ELAVL2: variants seen among roughly 807,000 people sequenced by gnomAD.
The protein encoded by ELAVL2 is ELAV like RNA binding protein 2.
In ELAVL2, 4 loss-of-function variants were observed where a neutral mutation model predicts 34.6. That is an observed-to-expected ratio of 0.12 (90% CI 0.06 to 0.26). The LOEUF (loss-of-function observed/expected upper bound fraction) is 0.26, where lower values mean the gene tolerates loss of function less well. Ranked by LOEUF, ELAVL2 falls within the 10% of genes least tolerant of loss-of-function variation. The pLI is 1.00. For missense variants in ELAVL2, 432 were observed against 442.8 expected (o/e 0.98, Z 0.22); for synonymous variants, 193 against 154.8 (o/e 1.25, Z -1.83).
chr9:23,830,896 T>C (rs886365445), upstream of ELAVL2, among the ~76,000 whole-genome samples: 1 of 151,374 alleles, frequency 6.6e-6, no homozygotes, highest in African/African-American at 2.4e-5. Flanking sequence ...TAGGCGAGGG[T>C]GAAGGAAAAA....
At chr9:23,825,514 C>G (rs1342054614) in intron 1 of ELAVL2, among the ~76,000 whole-genome samples, 1 of 152,184 alleles carries the variant, frequency 6.6e-6, no homozygotes, top group African/African-American at 2.4e-5. Context: ...CTTCCGATCT[C>G]AATCTTGAAG....
intron 3 of ELAVL2, among the ~76,000 whole-genome samples, chr9:23,708,867 AC>A (rs746018469): frequency 2.0e-5 from 3 of 151,894 alleles, no homozygotes; most frequent in Admixed American, 6.6e-5. Context: ...CGAATGCCTG[AC>A]CTCAGGTGAT....
At chr9:23,825,275 A>G (rs1278510131) in intron 1 of ELAVL2, among the ~76,000 whole-genome samples, 3 of 151,522 alleles carry the variant, frequency 2.0e-5, no homozygotes, top group Non-Finnish European at 4.4e-5. Context: ...GTCAACTACA[A>G]CTCGCTGCCT....
intron 1 of ELAVL2, among the ~76,000 whole-genome samples, chr9:23,791,643 G>C (rs893692629): frequency 1.3e-5 from 2 of 152,092 alleles, no homozygotes; most frequent in African/African-American, 4.8e-5. Flanking sequence ...AATAGGATTG[G>C]TGTCCATATA....
intron 3 of ELAVL2, among the ~76,000 whole-genome samples, chr9:23,727,057 T>G (rs1157307878): frequency 1.3e-5 from 2 of 152,090 alleles, no homozygotes; most frequent in Non-Finnish European, 2.9e-5. Flanking sequence ...TTTCACTACC[T>G]TCCCTAATGA....
intron 1 of ELAVL2, among the ~76,000 whole-genome samples, chr9:23,763,511 G>C (rs1489082745): frequency 1.3e-5 from 2 of 152,100 alleles, no homozygotes; most frequent in African/African-American, 4.8e-5. Context: ...TTGACGGGAT[G>C]CTAGTTTTAG....
intron 1 of ELAVL2, among the ~76,000 whole-genome samples, chr9:23,769,912 G>T (rs186376071): frequency 6.6e-6 from 1 of 152,144 alleles, no homozygotes; most frequent in Non-Finnish European, 1.5e-5. Flanking sequence ...AGGTTAGAGA[G>T]GTAAGATAAT....
intron 2 of ELAVL2, among the ~76,000 whole-genome samples, chr9:23,760,548 G>A (rs983403645): frequency 1.1e-4 from 17 of 152,086 alleles, no homozygotes; most frequent in Admixed American, 7.9e-4. Flanking sequence ...CGACAGAGAC[G>A]TAAGAGCAGC....
At chr9:23,765,216 G>A in intron 1 of ELAVL2, 1 of 870,914 alleles carries the variant, frequency 1.1e-6, no homozygotes, top group Non-Finnish European at 1.7e-6. Context: ...ATGCAGTGTG[G>A]CTTAATTGAA....
rs1208163245 is a variant in ELAVL2 at position 23,690,184 on chromosome 9, C to T, written c.*2373G>A. On this transcript the variant is annotated 3_prime_UTR_variant, in exon 7 of 7. Transcript: ENST00000397312. ...AAACACAAAAGAAAACATGTACAGC[C>T]TCTTAAATACTCAACAGAATATATT... 1.3e-5 allele frequency: 2 copies of T among 152,610 alleles called. No homozygotes were observed. Among genetic ancestry groups the T allele is most frequent in the Non-Finnish European group, 2.9e-5 (2 of 68,034 alleles). 9.5% of individuals were successfully genotyped at this position (152,610 alleles called of 1,614,324 possible).
intron 2 of ELAVL2, among the ~76,000 whole-genome samples, chr9:23,731,889 C>G (rs982667961): frequency 6.6e-6 from 1 of 152,116 alleles, no homozygotes; most frequent in African/African-American, 2.4e-5. Flanking sequence ...ACCCTCCCCC[C>G]ATCATCTGAG....
intron 1 of ELAVL2, among the ~76,000 whole-genome samples, chr9:23,820,126 C>G (rs998201953): frequency 2.7e-4 from 40 of 150,728 alleles, no homozygotes; most frequent in Non-Finnish European, 2.4e-4. Context: ...ATGGGAAATT[C>G]AAGCGACTCT....
chr9:23,717,423 G>C (rs576097055), intron 3 of ELAVL2, among the ~76,000 whole-genome samples: 51 of 152,296 alleles, frequency 3.3e-4, no homozygotes, highest in Middle Eastern at 3.4e-3. Flanking sequence ...TAAATGTAAA[G>C]TACAGGGCTA....
At chr9:23,773,673 C>T (rs991644137) in intron 1 of ELAVL2, among the ~76,000 whole-genome samples, 7 of 152,162 alleles carry the variant, frequency 4.6e-5, no homozygotes, top group African/African-American at 1.7e-4. Context: ...TTACAGGCTA[C>T]ATTTTAACAG....
chr9:23,708,211 T>C (rs964154849), intron 3 of ELAVL2, among the ~76,000 whole-genome samples: 12 of 152,206 alleles, frequency 7.9e-5, no homozygotes, highest in South Asian at 2.1e-4. Context: ...GATTAGATTA[T>C]ATATAAACTT....
intron 2 of ELAVL2, among the ~76,000 whole-genome samples, chr9:23,742,423 G>T (rs75456316): frequency 3.9e-5 from 6 of 152,146 alleles, no homozygotes; most frequent in African/African-American, 1.4e-4. Flanking sequence ...GTGAATGCAC[G>T]TACATACCTA....
intron 6 of ELAVL2, 80 bp from the exon 7 acceptor site, chr9:23,692,964 T>C: frequency 7.7e-7 from 1 of 1,302,842 alleles, no homozygotes; most frequent in Non-Finnish European, 1.0e-6. Flanking sequence ...ACGTATACCT[T>C]TTCCATCCCC....
intron 1 of ELAVL2, among the ~76,000 whole-genome samples, chr9:23,776,763 G>C (rs1451386280): frequency 9.0e-6 from 1 of 111,338 alleles, no homozygotes; most frequent in East Asian, 2.9e-4. Flanking sequence ...AAAAAAAAAA[G>C]ATGGCAAAAT....
At chr9:23,802,483 C>T (rs1199054746) in intron 1 of ELAVL2, among the ~76,000 whole-genome samples, 1 of 152,134 alleles carries the variant, frequency 6.6e-6, no homozygotes, top group African/African-American at 2.4e-5. Context: ...AATTCCACAG[C>T]TTTATTCTTA....
Sources: gnomAD v4.1 joint callset for allele counts (sites outside exome capture counted in the v4.1 genomes callset) on GRCh38, gnomAD v4.1.1 for gene constraint, MANE v1.5 for transcripts, NCBI Gene and HGNC (gene_info 2026-07-23, HGNC 2026-07-21) for gene names.